The following BMPR1B variants were observed in gnomAD, a reference collection of about 807,000 sequenced individuals.
The protein encoded by BMPR1B is bone morphogenetic protein receptor type 1B.
A neutral mutation model predicts 59.1 loss-of-function variants in BMPR1B; 12 were observed. The ratio of observed to expected loss-of-function variants is 0.20; its 90% confidence interval spans 0.13 to 0.33. The LOEUF (loss-of-function observed/expected upper bound fraction) is 0.33, where lower values mean the gene tolerates loss of function less well. BMPR1B is among the 10% of genes least tolerant of loss of function. The pLI is 1.00. For synonymous variants in BMPR1B, 237 were observed against 207.3 expected (o/e 1.14, Z -1.23); for missense variants, 550 against 610.9 (o/e 0.90, Z 1.05).
intron 3 of BMPR1B, among the ~76,000 whole-genome samples, chr4:95,046,861 C>A (rs968052314): frequency 5.3e-5 from 8 of 152,128 alleles, no homozygotes. Flanking sequence ...TGTTATTCTC[C>A]TTTCTGATAT....
intron 8 of BMPR1B, among the ~76,000 whole-genome samples, chr4:95,127,218 C>T (rs1036850854): frequency 6.6e-6 from 1 of 151,934 alleles, no homozygotes; most frequent in African/African-American, 2.4e-5. Context: ...TTTATTTATA[C>T]AATCAATCTA....
chr4:94,939,645 C>G (rs778647380), intron 2 of BMPR1B, among the ~76,000 whole-genome samples: 7 of 152,138 alleles, frequency 4.6e-5, no homozygotes, highest in Non-Finnish European at 1.0e-4. Flanking sequence ...TCTTTTAAAT[C>G]CTGTATAGAG....
chr4:94,997,759 C>A (rs1422588403), intron 3 of BMPR1B, among the ~76,000 whole-genome samples: 1 of 152,206 alleles, frequency 6.6e-6, no homozygotes, highest in Non-Finnish European at 1.5e-5. Flanking sequence ...ATCTAACTGG[C>A]TAAGTTCATC....
In BMPR1B at chr4:94,918,763, G is replaced by A. The variant is rs2149021606; in HGVS notation, c.-113+42863G>A. 1.3e-5 allele frequency among the ~76,000 whole-genome samples: 2 copies of A among 150,864 alleles called. 1 individual carries two copies. Among genetic ancestry groups the A allele is most frequent in the Middle Eastern group, 6.9e-3 (2 of 290 alleles). ...CTGCTGAGTAAGCTATTTTTGGTTA[G>A]TTAATTCTCTTTAGTGTAACTATTT... On this transcript the variant is annotated intron_variant, in intron 2 of 12. Coordinates refer to ENST00000515059, the MANE Select transcript of BMPR1B (RefSeq NM_001203.3).
At position 95,124,925 on chromosome 4, in the gene BMPR1B, A is replaced by G. The variant is rs929667600; in HGVS notation, c.447-58A>G. On this transcript the variant is annotated intron_variant, in intron 7 of 12. Coordinates refer to ENST00000515059, the MANE Select transcript of BMPR1B (RefSeq NM_001203.3). Reference sequence around the variant, plus strand: ...CTGTGATTACCATTTTAGTTGCAATATTTTACTCCATCATTGCATTTCATT... The same window carrying G: ...CTGTGATTACCATTTTAGTTGCAATGTTTTACTCCATCATTGCATTTCATT... 23 of 1,512,408 alleles carry G rather than the reference A, an allele frequency of 1.5e-5. No homozygotes were observed. The East Asian group carries it at 1.8e-4, about 12-fold the overall frequency. The allele number at this position is 1,512,408 out of a possible 1,614,324, so 93.7% of individuals were successfully genotyped here. A position where few individuals can be genotyped will look rare whatever the true frequency, so the allele number is the denominator to read the frequency against.
chr4:95,017,111 C>T (rs1456063266), intron 3 of BMPR1B, among the ~76,000 whole-genome samples: 4 of 152,196 alleles, frequency 2.6e-5, no homozygotes, highest in Non-Finnish European at 5.9e-5. Context: ...ACTGTGTACT[C>T]TTTCCTTAAC....
chr4:95,043,433 T>C (rs1425607124), intron 3 of BMPR1B, among the ~76,000 whole-genome samples: 1 of 152,214 alleles, frequency 6.6e-6, no homozygotes, highest in African/African-American at 2.4e-5. Context: ...GTAAGTTACC[T>C]TGAATTCTCT....
intron 1 of BMPR1B, among the ~76,000 whole-genome samples, chr4:94,760,953 A>C (rs1046414011): frequency 3.3e-5 from 5 of 152,210 alleles, no homozygotes; most frequent in Admixed American, 3.3e-4. Context: ...GCATGTCATC[A>C]CACACATTAA....
At chr4:95,013,422 A>G (rs1723359603) in intron 3 of BMPR1B, among the ~76,000 whole-genome samples, 1 of 152,174 alleles carries the variant, frequency 6.6e-6, no homozygotes, top group Non-Finnish European at 1.5e-5. Context: ...GACCCACATG[A>G]ATAGGCCTTA....
intron 10 of BMPR1B, among the ~76,000 whole-genome samples, chr4:95,144,508 A>G (rs1734498225): frequency 6.6e-6 from 1 of 151,916 alleles, no homozygotes; most frequent in South Asian, 2.1e-4. Context: ...ATACTCATTG[A>G]AGCATGATTT....
chr4:94,773,341 T>C (rs994893064), intron 1 of BMPR1B, among the ~76,000 whole-genome samples: 1 of 152,056 alleles, frequency 6.6e-6, no homozygotes, highest in Non-Finnish European at 1.5e-5. Context: ...TCTTCTGGTG[T>C]TTTTGGAATT....
At chr4:95,108,059 C>T (rs1731318007) in intron 4 of BMPR1B, among the ~76,000 whole-genome samples, 1 of 151,998 alleles carries the variant, frequency 6.6e-6, no homozygotes, top group Non-Finnish European at 1.5e-5. Flanking sequence ...TATACTGATA[C>T]TTTGCTAAAT....
intron 8 of BMPR1B, among the ~76,000 whole-genome samples, chr4:95,128,745 G>A (rs1733084213): frequency 6.6e-6 from 1 of 152,100 alleles, no homozygotes; most frequent in African/African-American, 2.4e-5. Context: ...TTACAAAAAT[G>A]TAATTTCCAT....
At chr4:95,006,376 CAA>C (rs558859893) in intron 3 of BMPR1B, among the ~76,000 whole-genome samples, 2 of 134,596 alleles carry the variant, frequency 1.5e-5, no homozygotes, top group Non-Finnish European at 1.6e-5. Context: ...GACTCCATCT[CAA>C]AAAAAAAAAA....
At chr4:94,914,391 A>G (rs1386816833) in intron 2 of BMPR1B, among the ~76,000 whole-genome samples, 2 of 152,160 alleles carry the variant, frequency 1.3e-5, no homozygotes, top group Non-Finnish European at 2.9e-5. Flanking sequence ...CTGGACATAG[A>G]CAGCTAGTAA....
intron 1 of BMPR1B, among the ~76,000 whole-genome samples, chr4:94,826,823 CA>C (rs1345178789): frequency 1.3e-5 from 2 of 151,982 alleles, no homozygotes; most frequent in African/African-American, 2.4e-5. Flanking sequence ...GTATCGATTT[CA>C]GTGAAAAACC....
chr4:95,042,409 T>C (rs1725723395), intron 3 of BMPR1B, among the ~76,000 whole-genome samples: 2 of 152,156 alleles, frequency 1.3e-5, no homozygotes, highest in African/African-American at 4.8e-5. Context: ...GTATACAAAC[T>C]TCATTTCATG....
intron 11 of BMPR1B, among the ~76,000 whole-genome samples, chr4:95,149,456 T>C (rs557635813): frequency 1.1e-4 from 16 of 152,366 alleles, no homozygotes; most frequent in African/African-American, 3.8e-4. Context: ...TATCAGAGTA[T>C]TATTTTTTTA....
At chr4:95,038,858 C>G (rs1053898395) in intron 3 of BMPR1B, among the ~76,000 whole-genome samples, 1 of 152,116 alleles carries the variant, frequency 6.6e-6, no homozygotes, top group African/African-American at 2.4e-5. Flanking sequence ...CATTGGTGGT[C>G]TTAATGGATC....
Sources: allele counts gnomAD v4.1 joint callset (sites outside exome capture counted in the v4.1 genomes callset), GRCh38; gene constraint gnomAD v4.1.1; transcripts MANE v1.5; gene names NCBI Gene and HGNC (gene_info 2026-07-23, HGNC 2026-07-21).